The following SAMTOR variants were observed in gnomAD, a reference collection of about 807,000 sequenced individuals.
The protein encoded by SAMTOR is UPF0532 protein C7orf60.
At chr7:112,906,066 T>C in the SAMTOR span, among the ~76,000 whole-genome samples, 1 of 152,226 alleles carries the variant, frequency 6.6e-6, no homozygotes, top group East Asian at 1.9e-4. Context: ...CATCCATATA[T>C]ATATGTACAC....
At chr7:112,863,696 T>C in the SAMTOR span, among the ~76,000 whole-genome samples, 2 of 152,206 alleles carry the variant, frequency 1.3e-5, no homozygotes, top group East Asian at 3.9e-4. Context: ...TCACTTATCA[T>C]TAGAGAAATG....
the SAMTOR span, among the ~76,000 whole-genome samples, chr7:112,862,656 T>C: frequency 2.2e-4 from 33 of 152,168 alleles, no homozygotes; most frequent in African/African-American, 7.5e-4. Context: ...GGGCTGGATA[T>C]GGTGGCTCAT....
chr7:112,867,192 T>C, the SAMTOR span, among the ~76,000 whole-genome samples: 1 of 152,232 alleles, frequency 6.6e-6, no homozygotes, highest in Admixed American at 6.5e-5. Context: ...AGAAGCTTAG[T>C]TGTCAATCTT....
chr7:112,902,867 T>G, the SAMTOR span, among the ~76,000 whole-genome samples: 1 of 152,154 alleles, frequency 6.6e-6, no homozygotes, highest in African/African-American at 2.4e-5. Context: ...TTGGGATAAA[T>G]ATATCATGTA....
chr7:112,848,375 C>T, the SAMTOR span, among the ~76,000 whole-genome samples: 1 of 152,178 alleles, frequency 6.6e-6, no homozygotes, highest in South Asian at 2.1e-4. Flanking sequence ...TTATTGAATA[C>T]CTATTCTATC....
At chr7:112,920,228 G>A in the SAMTOR span, among the ~76,000 whole-genome samples, 1 of 152,210 alleles carries the variant, frequency 6.6e-6, no homozygotes, top group East Asian at 1.9e-4. Context: ...GAATCCAGCA[G>A]TGCATCAAAA....
At chr7:112,916,695 A>G in the SAMTOR span, among the ~76,000 whole-genome samples, 1 of 152,154 alleles carries the variant, frequency 6.6e-6, no homozygotes, top group Non-Finnish European at 1.5e-5. Context: ...CTAGTCAAAG[A>G]AAGGGGTGAC....
the SAMTOR span, among the ~76,000 whole-genome samples, chr7:112,880,504 A>C: frequency 6.6e-6 from 1 of 152,128 alleles, no homozygotes; most frequent in Non-Finnish European, 1.5e-5. Context: ...ACTTCAATAT[A>C]ATTTTTTAAG....
chr7:112,877,090 G>C, the SAMTOR span, among the ~76,000 whole-genome samples: 1 of 152,164 alleles, frequency 6.6e-6, no homozygotes, highest in Non-Finnish European at 1.5e-5. Context: ...GTGCAAAAGA[G>C]GAAGAAACAT....
At chr7:112,871,667 C>G in the SAMTOR span, among the ~76,000 whole-genome samples, 1 of 151,966 alleles carries the variant, frequency 6.6e-6, no homozygotes. Flanking sequence ...AAAATTAGAG[C>G]AGAAGTAAAT....
chr7:112,889,833 T>C, the SAMTOR span, among the ~76,000 whole-genome samples: 3 of 152,176 alleles, frequency 2.0e-5, no homozygotes, highest in African/African-American at 4.8e-5. Flanking sequence ...TTAGCTAGTA[T>C]GAAACTTCCT....
At chr7:112,856,064 C>T in the SAMTOR span, among the ~76,000 whole-genome samples, 3 of 152,012 alleles carry the variant, frequency 2.0e-5, no homozygotes, top group Non-Finnish European at 2.9e-5. Flanking sequence ...AAACCCAGAA[C>T]TTTATGTTGT....
the SAMTOR span, among the ~76,000 whole-genome samples, chr7:112,866,204 T>C: frequency 2.0e-5 from 3 of 152,304 alleles, no homozygotes; most frequent in East Asian, 1.9e-4. Flanking sequence ...CTTTTCTGTA[T>C]AGAGAGCTGA....
the SAMTOR span, among the ~76,000 whole-genome samples, chr7:112,907,394 C>A: frequency 6.6e-6 from 1 of 152,144 alleles, no homozygotes; most frequent in Non-Finnish European, 1.5e-5. Flanking sequence ...GAAGAAAACA[C>A]GAGTGAATAA....
At chr7:112,861,079 A>G in the SAMTOR span, among the ~76,000 whole-genome samples, 2 of 152,124 alleles carry the variant, frequency 1.3e-5, no homozygotes, top group African/African-American at 2.4e-5. Context: ...TGCTCATATC[A>G]TTGCCCTAAG....
the SAMTOR span, among the ~76,000 whole-genome samples, chr7:112,836,890 T>C: frequency 6.6e-6 from 1 of 152,132 alleles, no homozygotes; most frequent in Non-Finnish European, 1.5e-5. Context: ...GCCTCCAGCT[T>C]TGTTATTTTT....
At chr7:112,899,860 A>G in the SAMTOR span, among the ~76,000 whole-genome samples, 5 of 151,600 alleles carry the variant, frequency 3.3e-5, no homozygotes, top group Non-Finnish European at 7.4e-5. Context: ...TTCAAACACA[A>G]AGGAGAAATA....
At chr7:112,937,709 C>G in the SAMTOR span, among the ~76,000 whole-genome samples, 3 of 149,276 alleles carry the variant, frequency 2.0e-5, no homozygotes, top group South Asian at 2.2e-4. Flanking sequence ...GGTATTAAAG[C>G]GCCTAAAGAA....
At chr7:112,915,497 C>A in the SAMTOR span, 1 of 1,420,798 alleles carries the variant, frequency 7.0e-7, no homozygotes, top group Non-Finnish European at 9.4e-7. Flanking sequence ...ACATGTCAGA[C>A]TCTTGAAATA....
Sources: gnomAD v4.1 joint callset for allele counts (sites outside exome capture counted in the v4.1 genomes callset) on GRCh38, gnomAD v4.1.1 for gene constraint, MANE v1.5 for transcripts, NCBI Gene and HGNC (gene_info 2026-07-23, HGNC 2026-07-21) for gene names.